The following MCTP1 variants were observed in gnomAD, a reference collection of about 807,000 sequenced individuals.
MCTP1 encodes multiple C2 and transmembrane domain-containing protein 1.
A neutral mutation model predicts 120.6 loss-of-function variants in MCTP1; 69 were observed. That is an observed-to-expected ratio of 0.57 (90% CI 0.47 to 0.70). The LOEUF is 0.70. MCTP1 is among the 30% of genes least tolerant of loss of function. The pLI is 0.00. For synonymous variants in MCTP1, 529 were observed against 493.1 expected, an observed-to-expected ratio of 1.07 and a Z score of -0.96; for missense variants, 1,203 against 1,248.8, an observed-to-expected ratio of 0.96 and a Z score of 0.55.
At chr5:94,969,783 G>A (rs935957474) in intron 2 of MCTP1, among the ~76,000 whole-genome samples, 8 of 152,076 alleles carry the variant, frequency 5.3e-5, no homozygotes, top group Non-Finnish European at 1.0e-4. Flanking sequence ...TCACATTTGA[G>A]AGGTTGTAAA....
In MCTP1 at chr5:95,228,269, C is replaced by G. The variant is rs1754507034; in HGVS notation, c.720+55587G>C. Among the ~76,000 whole-genome samples, 5 of 152,268 alleles carry G rather than the reference C, an allele frequency of 3.3e-5. No individual in the cohort carries two copies. The South Asian group carries it at 1.0e-3, about 32-fold the overall frequency. ...TTAGGAATTAACTAGTTCAGTTTGT[C>G]CAGCACAGGGCATTTGTAACAAGCT... is the stretch of plus-strand genomic sequence containing the variant. On this transcript the variant is annotated intron_variant, in intron 1 of 22. Coordinates refer to ENST00000515393, the MANE Select transcript of MCTP1 (RefSeq NM_024717.7).
At chr5:95,166,187 G>A (rs1380032849) in intron 1 of MCTP1, 5 of 152,144 alleles carry the variant, frequency 3.3e-5, no homozygotes, top group Admixed American at 3.3e-4. Flanking sequence ...CTCGAGACCT[G>A]GCTTTTTGCA....
intron 1 of MCTP1, among the ~76,000 whole-genome samples, chr5:95,246,197 T>C (rs1756761304): frequency 6.6e-6 from 1 of 152,044 alleles, no homozygotes; most frequent in African/African-American, 2.4e-5. Flanking sequence ...TGGAAAGGAA[T>C]AACTAGTACC....
chr5:94,881,338 C>G lies in MCTP1; in HGVS notation c.1933+7541G>C, dbSNP rs1159668001. 5.3e-5 allele frequency among the ~76,000 whole-genome samples: 8 copies of G among 152,058 alleles called. 1 individual carries two copies. Among genetic ancestry groups the G allele is most frequent in the Admixed American group, 1.3e-4 (2 of 15,226 alleles). On this transcript the variant is annotated intron_variant, in intron 12 of 22. Coordinates refer to ENST00000515393, the MANE Select transcript of MCTP1 (RefSeq NM_024717.7). ...TCTTTTCTTAGGCCCTTCCTGCCCC[C>G]CAAAGATTCTGTGATTTAGTTAATA...
In MCTP1 at chr5:95,223,792, A is replaced by T. The variant is rs56141708; in HGVS notation, c.720+60064T>A. On this transcript the variant is annotated intron_variant, in intron 1 of 22. Coordinates refer to ENST00000515393, the MANE Select transcript of MCTP1 (RefSeq NM_024717.7). Reference sequence around the variant, plus strand: ...CCTTGGGTCTAACAGAGAGGATTACAGTTCCCTCTTCAATGTTAACTTGAG... The same window carrying T: ...CCTTGGGTCTAACAGAGAGGATTACTGTTCCCTCTTCAATGTTAACTTGAG... 3.1e-3 allele frequency among the ~76,000 whole-genome samples: 471 copies of T among 152,320 alleles called. 2 individuals carry two copies. Among genetic ancestry groups the T allele is most frequent in the African/African-American group, 0.01 (423 of 41,566 alleles).
At chr5:95,165,047 TCA>T (rs1422210645) in intron 1 of MCTP1, among the ~76,000 whole-genome samples, 1 of 152,130 alleles carries the variant, frequency 6.6e-6, no homozygotes, top group Non-Finnish European at 1.5e-5. Flanking sequence ...CTATTTGCAC[TCA>T]CAAGTCATTG....
chr5:95,036,294 T>C (rs1002338387), intron 1 of MCTP1, among the ~76,000 whole-genome samples: 1 of 152,214 alleles, frequency 6.6e-6, no homozygotes, highest in Non-Finnish European at 1.5e-5. Flanking sequence ...TATTTAATAC[T>C]TGAATTTTTG....
Position 95,284,613 on chromosome 5 carries a change from C to A in MCTP1, c.-38G>T. On this transcript the variant is annotated 5_prime_UTR_variant, in exon 1 of 23. Transcript: ENST00000515393. This position sits in a 1 kb window ranked among gnomAD's most constrained non-coding sequence, Gnocchi z 5.2. ...GCTCCTCCTCTCCCCTCCTCCTCCT[C>A]CTCCTCCTCCTGCTTCTCCTCCCTC... The A allele has an allele frequency of 1.5e-6, 2 of 1,356,496 alleles. No individual in the cohort carries two copies. Among genetic ancestry groups the A allele is most frequent in the Non-Finnish European group, 1.9e-6 (2 of 1,049,942 alleles). The allele number at this position is 1,356,496 out of a possible 1,614,324, so 84.0% of individuals were successfully genotyped here.
Position 94,889,784 on chromosome 5 carries a change from C to CACACACA in MCTP1, c.1840-813_1840-812insTGTGTGT, listed in dbSNP as rs1802168562. On this transcript the variant is annotated intron_variant, in intron 11 of 22. Coordinates refer to ENST00000515393, the MANE Select transcript of MCTP1 (RefSeq NM_024717.7). ...CACACACACACACACACACACACACCCCTCTATGTGGATAATTGTTGCTAT... is the reference window on the plus strand; with the variant it reads ...CACACACACACACACACACACACACCACACACACCTCTATGTGGATAATTGTTGCTAT... Among the ~76,000 whole-genome samples, 5 of 100,150 alleles carry CACACACA rather than the reference C, an allele frequency of 5.0e-5. No individual in the cohort carries two copies. The East Asian group carries it at 1.1e-3, about 22-fold the overall frequency. 65.7% of individuals were successfully genotyped at this position (100,150 alleles called of 152,430 possible). A position where few individuals can be genotyped will look rare whatever the true frequency, so the allele number is the denominator to read the frequency against.
At chr5:95,169,953 C>A (rs150356685) in intron 1 of MCTP1, among the ~76,000 whole-genome samples, 26 of 152,254 alleles carry the variant, frequency 1.7e-4, no homozygotes, top group Admixed American at 5.9e-4. Flanking sequence ...ATTCTGCTAG[C>A]TTTTGAATGT....
chr5:94,748,669 A>G (rs777246138), intron 19 of MCTP1, among the ~76,000 whole-genome samples: 23 of 152,336 alleles, frequency 1.5e-4, no homozygotes, highest in Non-Finnish European at 3.1e-4. Flanking sequence ...TTGCACATTT[A>G]CTTTTTGAGC....
At chr5:94,821,371 G>A (rs1383747759) in intron 17 of MCTP1, among the ~76,000 whole-genome samples, 1 of 152,018 alleles carries the variant, frequency 6.6e-6, no homozygotes, top group African/African-American at 2.4e-5. Flanking sequence ...ATCTGATAGG[G>A]TTTCCCTTCA....
rs1291244057 is a variant in MCTP1 at position 94,860,484 on chromosome 5, A to G, written c.2436+7849T>C. ...GAAGATAAAATTCTTCGATCTCTATAAAGCCAAACAAACACCTGTCCTTTA... is the reference window on the plus strand; with the variant it reads ...GAAGATAAAATTCTTCGATCTCTATGAAGCCAAACAAACACCTGTCCTTTA... On this transcript the variant is annotated intron_variant, in intron 17 of 22. Transcript: ENST00000515393. Among the ~76,000 whole-genome samples, 51 of 151,768 alleles carry G rather than the reference A, an allele frequency of 3.4e-4. 1 individual carries two copies. Among genetic ancestry groups the G allele is most frequent in the Admixed American group, 3.3e-3 (50 of 15,188 alleles).
Position 95,269,239 on chromosome 5 carries a change from A to G in MCTP1, c.720+14617T>C, listed in dbSNP as rs770083388. On this transcript the variant is annotated intron_variant, in intron 1 of 22. Coordinates refer to ENST00000515393, the MANE Select transcript of MCTP1 (RefSeq NM_024717.7). ...AGTTGTGCCAAATTCAGAAGACATT[A>G]TCTCACACCTTGCTTTCTCCTTGTT... is the stretch of plus-strand genomic sequence containing the variant. Among the ~76,000 whole-genome samples, 5 of 152,330 alleles carry G rather than the reference A, an allele frequency of 3.3e-5. No individual in the cohort carries two copies. In the East Asian group the frequency reaches 9.6e-4, roughly 29 times the overall value.
At chr5:94,971,174 T>G (rs1170765989) in intron 2 of MCTP1, among the ~76,000 whole-genome samples, 2 of 152,118 alleles carry the variant, frequency 1.3e-5, no homozygotes, top group Admixed American at 6.6e-5. Flanking sequence ...CCCAAATTTC[T>G]CTGAGGGTCT....
chr5:94,953,536 AAAT>A (rs1273153018), intron 2 of MCTP1, among the ~76,000 whole-genome samples, 175 bp from the exon 3 acceptor site: 4 of 151,778 alleles, frequency 2.6e-5, no homozygotes, highest in East Asian at 1.9e-4. Context: ...TTGAAGTGAT[AAAT>A]AATAATAATT....
chr5:94,824,471 C>T (rs1273121741), intron 17 of MCTP1, among the ~76,000 whole-genome samples: 11 of 150,332 alleles, frequency 7.3e-5, no homozygotes, highest in Non-Finnish European at 1.2e-4. Flanking sequence ...GATTTTCGCA[C>T]CTCAGGAATA....
chr5:94,922,997 C>CAAAAAAAAAAAAAAAAAAAAA (rs202245253), intron 7 of MCTP1, among the ~76,000 whole-genome samples: 2 of 99,548 alleles, frequency 2.0e-5, no homozygotes, highest in Non-Finnish European at 4.0e-5. Flanking sequence ...TAAAAAGCTG[C>CAAAAAAAAAAAAAAAAAAAAA]AAAAAAAAAA....
intron 1 of MCTP1, among the ~76,000 whole-genome samples, chr5:95,226,818 C>CA (rs553875881): frequency 9.2e-4 from 134 of 144,948 alleles, no homozygotes; most frequent in African/African-American, 2.4e-3. Flanking sequence ...AGAGGTGAAG[C>CA]AAAAAAAAAA....
Sources: allele counts gnomAD v4.1 joint callset (sites outside exome capture counted in the v4.1 genomes callset), GRCh38; gene constraint gnomAD v4.1.1; non-coding constraint Gnocchi (gnomAD v3.1); transcripts MANE v1.5; gene names NCBI Gene and HGNC (gene_info 2026-07-23, HGNC 2026-07-21).